TMEM132B: variants seen among roughly 807,000 people sequenced by gnomAD.
The protein encoded by TMEM132B is transmembrane protein 132B.
In TMEM132B, 18 loss-of-function variants were observed where a neutral mutation model predicts 90.8. That is an observed-to-expected ratio of 0.20 (90% CI 0.14 to 0.29). The LOEUF is 0.29. Among genes scored for constraint, TMEM132B ranks in the 10% least tolerant of loss-of-function variants. The probability of loss-of-function intolerance (pLI) is 1.00; values close to 1 mark genes in which losing one functional copy is unlikely to be tolerated. For missense variants in TMEM132B, 1,096 were observed against 1,326.8 expected (o/e 0.83, Z 2.70); for synonymous variants, 504 against 523.3 (o/e 0.96, Z 0.50).
chr12:125,326,456 A>T, intron 1 of TMEM132B: 1 of 756,060 alleles, frequency 1.3e-6, no homozygotes, highest in Non-Finnish European at 2.2e-6. Context: ...AGACAATATG[A>T]GCTCAAAATG....
intron 1 of TMEM132B, among the ~76,000 whole-genome samples, chr12:125,329,764 G>C (rs2136201788): frequency 6.6e-6 from 1 of 152,318 alleles, no homozygotes; most frequent in East Asian, 1.9e-4. Context: ...TTGACACTCA[G>C]GTGGCCAATG....
intron 5 of TMEM132B, among the ~76,000 whole-genome samples, chr12:125,612,385 C>G (rs553854417): frequency 1.3e-4 from 19 of 151,786 alleles, no homozygotes; most frequent in African/African-American, 4.3e-4. Context: ...ATCGCTTGAA[C>G]CCGGGAGGTG....
At chr12:125,228,059 C>A (rs1873721083) in intron 1 of TMEM132B, among the ~76,000 whole-genome samples, 1 of 152,192 alleles carries the variant, frequency 6.6e-6, no homozygotes, top group South Asian at 2.1e-4. Flanking sequence ...AAATGAAACA[C>A]CTGTACTCTA....
intron 1 of TMEM132B, among the ~76,000 whole-genome samples, chr12:125,238,290 T>C (rs1211860006): frequency 6.7e-6 from 1 of 150,018 alleles, no homozygotes; most frequent in African/African-American, 2.5e-5. Flanking sequence ...GAGGCGGAGC[T>C]TGCAGTGAGC....
At chr12:125,576,950 T>C (rs1884954356) in intron 4 of TMEM132B, among the ~76,000 whole-genome samples, 1 of 151,682 alleles carries the variant, frequency 6.6e-6, no homozygotes, top group Non-Finnish European at 1.5e-5. Flanking sequence ...TAGTTTTCTT[T>C]TCCTGTGATG....
chr12:125,225,844 A>G (rs1565978715), intron 1 of TMEM132B, among the ~76,000 whole-genome samples: 1 of 152,208 alleles, frequency 6.6e-6, no homozygotes, highest in Non-Finnish European at 1.5e-5. Context: ...GCTCAGTCAC[A>G]TGACCACTCC....
At chr12:125,342,965 C>T (rs1877235247) in intron 1 of TMEM132B, among the ~76,000 whole-genome samples, 1 of 152,186 alleles carries the variant, frequency 6.6e-6, no homozygotes, top group Admixed American at 6.5e-5. Flanking sequence ...ATTCAGTAGT[C>T]AAGTATTTGC....
intron 2 of TMEM132B, among the ~76,000 whole-genome samples, chr12:125,394,667 G>A (rs558538339): frequency 6.6e-6 from 1 of 152,328 alleles, no homozygotes; most frequent in Admixed American, 6.5e-5. Context: ...ACTTCTAAGA[G>A]ATGATTTCAA....
At chr12:125,629,545 C>CT (rs1223804863) in intron 5 of TMEM132B, among the ~76,000 whole-genome samples, 1 of 151,986 alleles carries the variant, frequency 6.6e-6, no homozygotes, top group Non-Finnish European at 1.5e-5. Context: ...TTGGTGGAGT[C>CT]TTTAAGTTTT....
At chr12:125,330,448 A>G (rs547973880) in intron 1 of TMEM132B, among the ~76,000 whole-genome samples, 4 of 150,770 alleles carry the variant, frequency 2.7e-5, no homozygotes, top group South Asian at 2.1e-4. Flanking sequence ...AGTACTTCCT[A>G]TGGAAACAAT....
intron 1 of TMEM132B, among the ~76,000 whole-genome samples, chr12:125,321,836 G>A (rs548525578): frequency 1.3e-5 from 2 of 151,570 alleles, no homozygotes; most frequent in South Asian, 2.1e-4. Context: ...CAATTCCACT[G>A]CTAGATATCT....
At chr12:125,434,651 AG>A (rs887693419) in intron 3 of TMEM132B, among the ~76,000 whole-genome samples, 2 of 152,170 alleles carry the variant, frequency 1.3e-5, no homozygotes, top group Non-Finnish European at 1.5e-5. Context: ...CGTTCCATCG[AG>A]GGGTCTCCAG....
chr12:125,584,144 G>T, intron 5 of TMEM132B, 150 bp downstream of exon 5: 1 of 1,106,642 alleles, frequency 9.0e-7, no homozygotes, highest in Non-Finnish European at 1.3e-6. Flanking sequence ...ACAGCTGACC[G>T]CAGAGACTCC....
intron 2 of TMEM132B, among the ~76,000 whole-genome samples, chr12:125,380,771 A>G (rs1878658215): frequency 6.6e-6 from 1 of 152,168 alleles, no homozygotes; most frequent in African/African-American, 2.4e-5. Flanking sequence ...CATGGTGTCC[A>G]TGGTAGCAGC....
In TMEM132B at chr12:125,653,825, T is replaced by C. The variant is rs1356860221; in HGVS notation, c.2367T>C (p.Asn789=). The C allele has an allele frequency of 6.2e-7, 1 of 1,614,042 alleles. No homozygotes were observed. The highest frequency in any genetic ancestry group is 8.5e-7 in the Non-Finnish European group (1 of 1,180,030). The stretch of plus-strand genomic sequence containing the variant: ...GTGTTCTTGCCGTGGGTAAAGGAAA[T>C]GTCAAGGTCAAATTCGAACCAAGTA... ...RKSVLAVGKG[N]VKVKFEPSSD... is the part of the protein sequence containing the mutation. Residue 789 remains asparagine (N), a synonymous_variant, in exon 9 of 9, where the codon AAT becomes AAC. Coordinates refer to ENST00000682704, the MANE Select transcript of TMEM132B (RefSeq NM_001366854.1).
At position 125,269,978 on chromosome 12, in the gene TMEM132B, G is replaced by A. The variant is rs531617035; in HGVS notation, c.68-79474G>A. On this transcript the variant is annotated intron_variant, in intron 1 of 8. Coordinates refer to ENST00000682704, the MANE Select transcript of TMEM132B (RefSeq NM_001366854.1). ...GGGGATCACTTGAGCCCAGGAGTTC[G>A]AGGCTGCACCATTACACTCTAGTCT... 6.6e-5 allele frequency among the ~76,000 whole-genome samples: 10 copies of A among 151,814 alleles called. No homozygotes were observed. In the South Asian group the frequency reaches 1.7e-3, roughly 25 times the overall value.
In TMEM132B at chr12:125,512,014, G is replaced by A. The variant is rs187203515; in HGVS notation, c.1107-7425G>A. On this transcript the variant is annotated intron_variant, in intron 3 of 8. Coordinates refer to ENST00000682704, the MANE Select transcript of TMEM132B (RefSeq NM_001366854.1). Reference sequence around the variant, plus strand: ...GTCTCATAAGGTCATGCCATGTCCCGCCCTATGGACAAGGGTAAGAGTGGA... The same window carrying A: ...GTCTCATAAGGTCATGCCATGTCCCACCCTATGGACAAGGGTAAGAGTGGA... 4.6e-5 allele frequency among the ~76,000 whole-genome samples: 7 copies of A among 152,214 alleles called. No individual in the cohort carries two copies. In the East Asian group the frequency reaches 9.7e-4, roughly 21 times the overall value.
chr12:125,323,164 A>G (rs1259108854), intron 1 of TMEM132B, among the ~76,000 whole-genome samples: 1 of 152,164 alleles, frequency 6.6e-6, no homozygotes, highest in East Asian at 1.9e-4. Context: ...GCCAGTGTGC[A>G]CTGCTTCACA....
At chr12:125,293,748 T>C (rs915376824) in intron 1 of TMEM132B, among the ~76,000 whole-genome samples, 7 of 152,190 alleles carry the variant, frequency 4.6e-5, no homozygotes, top group African/African-American at 7.2e-5. Flanking sequence ...GAATAGTGCT[T>C]ATTGCAGCAG....
Sources: allele counts gnomAD v4.1 joint callset (sites outside exome capture counted in the v4.1 genomes callset), GRCh38; gene constraint gnomAD v4.1.1; transcripts MANE v1.5; gene names NCBI Gene and HGNC (gene_info 2026-07-23, HGNC 2026-07-21).